CALN1: variants seen among roughly 807,000 people sequenced by gnomAD.
CALN1 encodes the protein calneuron 1.
In CALN1, 17 loss-of-function variants were observed where a neutral mutation model predicts 30.6. The observed-to-expected ratio is 0.56, with a 90% CI of 0.38 to 0.83. The LOEUF (loss-of-function observed/expected upper bound fraction) is 0.83. Ranked by LOEUF, CALN1 falls within the 40% of genes least tolerant of loss-of-function variation. The pLI is 0.00. For synonymous variants in CALN1, 156 were observed against 131.4 expected, an observed-to-expected ratio of 1.19 and a Z score of -1.28; for missense variants, 291 against 354.9, an observed-to-expected ratio of 0.82 and a Z score of 1.45.
chr7:72,501,928 A>AAAAT, the CALN1 span, among the ~76,000 whole-genome samples: 282 of 57,934 alleles, frequency 4.9e-3, 35 homozygotes, highest in African/African-American at 0.027. Context: ...AAAAAAAAAA[A>AAAAT]ATATATATAT....
chr7:72,023,775 A>G lies in CALN1; in HGVS notation c.389-6T>C. The G allele has an allele frequency of 6.2e-7, 1 of 1,611,336 alleles. No individual in the cohort carries two copies. The highest frequency in any genetic ancestry group is 8.5e-7 in the Non-Finnish European group (1 of 1,177,704). On this transcript the variant is annotated splice_region_variant and splice_polypyrimidine_tract_variant and intron_variant, in intron 4 of 6. Coordinates refer to ENST00000395275, the MANE Select transcript of CALN1 (RefSeq NM_031468.4). ...AAAATCCACCTGGCCATCCCCTGCAAGGAGAAGATGTAAATATGAGTTGCA... is the reference window on the plus strand; with the variant it reads ...AAAATCCACCTGGCCATCCCCTGCAGGGAGAAGATGTAAATATGAGTTGCA...
At chr7:72,179,198 A>G (rs751199570) in intron 3 of CALN1, among the ~76,000 whole-genome samples, 1 of 152,262 alleles carries the variant, frequency 6.6e-6, no homozygotes, top group Non-Finnish European at 1.5e-5. Flanking sequence ...AACGAAGTAG[A>G]TAAGAAAAAC....
chr7:71,915,781 T>C (rs549264801), intron 5 of CALN1, among the ~76,000 whole-genome samples: 5 of 150,856 alleles, frequency 3.3e-5, no homozygotes, highest in Non-Finnish European at 7.4e-5. Context: ...GCCCAAGAGG[T>C]AGAGCAGGGC....
chr7:72,435,079 A>T (rs529712779), intron 1 of CALN1, among the ~76,000 whole-genome samples: 56 of 152,184 alleles, frequency 3.7e-4, no homozygotes, highest in South Asian at 3.5e-3. Context: ...TGGTTTTTTT[A>T]AAAAAATTAG....
chr7:71,985,584 CTTTT>C (rs962922789), intron 5 of CALN1, among the ~76,000 whole-genome samples: 4 of 96,440 alleles, frequency 4.1e-5, no homozygotes, highest in East Asian at 3.8e-4. Context: ...AGGTAGTTTT[CTTTT>C]TTTTTTTTTT....
chr7:72,041,249 T>C (rs995650343), intron 4 of CALN1, among the ~76,000 whole-genome samples: 1 of 152,018 alleles, frequency 6.6e-6, no homozygotes, highest in Non-Finnish European at 1.5e-5. Flanking sequence ...GTGGTTAGTC[T>C]CTAGTAATGT....
intron 3 of CALN1, among the ~76,000 whole-genome samples, chr7:72,176,944 CTAAT>C (rs529182518): frequency 2.5e-4 from 38 of 152,220 alleles, no homozygotes; most frequent in Non-Finnish European, 4.0e-4. Context: ...CCTGTAATGA[CTAAT>C]TAGTCTGAAG....
chr7:71,924,234 GA>G (rs1795139451), intron 5 of CALN1, among the ~76,000 whole-genome samples: 1 of 61,076 alleles, frequency 1.6e-5, no homozygotes, highest in Non-Finnish European at 4.3e-5. Flanking sequence ...TAGGATTTCA[GA>G]TCTTTTTAAA....
At chr7:72,046,863 A>G (rs971804698) in intron 4 of CALN1, among the ~76,000 whole-genome samples, 1 of 152,006 alleles carries the variant, frequency 6.6e-6, no homozygotes, top group African/African-American at 2.4e-5. Context: ...TCCTATCTCT[A>G]CAAGAAATAC....
At chr7:72,101,514 T>C (rs1215895623) in intron 4 of CALN1, among the ~76,000 whole-genome samples, 3 of 152,096 alleles carry the variant, frequency 2.0e-5, no homozygotes, top group South Asian at 4.2e-4. Flanking sequence ...TCAATCAGAA[T>C]TGGGAGAACA....
chr7:72,259,756 C>T (rs1328165727), intron 3 of CALN1, among the ~76,000 whole-genome samples: 2 of 152,170 alleles, frequency 1.3e-5, no homozygotes, highest in Non-Finnish European at 2.9e-5. Flanking sequence ...ATGCCAACTT[C>T]TCCCCAACTC....
chr7:71,847,488 AAAAC>A (rs1790332555), intron 5 of CALN1, among the ~76,000 whole-genome samples: 2 of 151,918 alleles, frequency 1.3e-5, no homozygotes, highest in South Asian at 4.2e-4. Flanking sequence ...CATCTCTACT[AAAAC>A]AAAACCAAAA....
chr7:72,206,992 T>C (rs1791932457), intron 3 of CALN1, among the ~76,000 whole-genome samples: 1 of 152,216 alleles, frequency 6.6e-6, no homozygotes, highest in Admixed American at 6.5e-5. Flanking sequence ...AGCTCCTCTA[T>C]CTTTGCTGTA....
Position 71,787,784 on chromosome 7 carries a change from G to A in CALN1, c.777C>T (p.Gly259=). ...LIAANQILRS[G]ME ...GGCTGGCGGGAGGCTGCTACTCCAT[G>A]CCGCTCCGGAGTATCTGGTTGGCTG... Residue 259 remains glycine, a synonymous_variant, in exon 7 of 7, where the codon GGC becomes GGT. Coordinates refer to ENST00000395275, the MANE Select transcript of CALN1 (RefSeq NM_031468.4). 3.7e-6 allele frequency: 6 copies of A among 1,613,920 alleles called. No individual in the cohort carries two copies. The South Asian group carries it at 5.5e-5, about 15-fold the overall frequency.
intron 5 of CALN1, among the ~76,000 whole-genome samples, chr7:72,022,753 C>G (rs1378388853): frequency 6.6e-6 from 1 of 152,088 alleles, no homozygotes; most frequent in Non-Finnish European, 1.5e-5. Context: ...GTAAAACCCA[C>G]AAGCACTGAT....
At chr7:72,336,851 G>A (rs1446623544) in intron 2 of CALN1, 3 of 985,046 alleles carry the variant, frequency 3.0e-6, no homozygotes, top group Middle Eastern at 5.2e-4. Context: ...ACCCCCAGCA[G>A]GCAGCCGCGT....
At chr7:72,277,087 A>G (rs1469227374) in intron 3 of CALN1, among the ~76,000 whole-genome samples, 1 of 151,770 alleles carries the variant, frequency 6.6e-6, no homozygotes, top group African/African-American at 2.4e-5. Flanking sequence ...GTTTTGTTAT[A>G]GCAGCCTGAA....
At chr7:72,123,674 C>T (rs1355870744) in intron 3 of CALN1, among the ~76,000 whole-genome samples, 1 of 152,158 alleles carries the variant, frequency 6.6e-6, no homozygotes, top group East Asian at 1.9e-4. Context: ...CCCTGCACAC[C>T]AGCACTCCCA....
intron 4 of CALN1, among the ~76,000 whole-genome samples, chr7:72,081,127 G>A (rs1236401309): frequency 6.6e-6 from 1 of 152,146 alleles, no homozygotes; most frequent in Non-Finnish European, 1.5e-5. Flanking sequence ...AGCAGTGAGA[G>A]CATTCTATCT....
Sources: allele counts gnomAD v4.1 joint callset (sites outside exome capture counted in the v4.1 genomes callset), GRCh38; gene constraint gnomAD v4.1.1; transcripts MANE v1.5; gene names NCBI Gene and HGNC (gene_info 2026-07-23, HGNC 2026-07-21).